The following CAMTA1 variants were observed in gnomAD, a reference collection of about 807,000 sequenced individuals.
CAMTA1 encodes calmodulin binding transcription activator 1, also known as calmodulin-binding transcription activator 1.
CAMTA1 carries 27 observed loss-of-function variants against 170.9 expected under a neutral mutation model. The ratio of observed to expected loss-of-function variants is 0.16; its 90% CI spans 0.12 to 0.22. The LOEUF (loss-of-function observed/expected upper bound fraction) is 0.22, where lower values mean the gene tolerates loss of function less well. Among genes scored for constraint, CAMTA1 ranks in the 10% least tolerant of loss-of-function variants. The pLI is 1.00. For synonymous variants in CAMTA1, 833 were observed against 891.5 expected (o/e 0.93, Z 1.17); for missense variants, 1,619 against 2,217.2 (o/e 0.73, Z 5.42).
intron 5 of CAMTA1, among the ~76,000 whole-genome samples, chr1:7,356,719 A>G (rs1035606307): frequency 6.6e-6 from 1 of 152,176 alleles, no homozygotes; most frequent in Non-Finnish European, 1.5e-5. Context: ...TTTATAGGGA[A>G]ACAGTAGAAT....
intron 11 of CAMTA1, chr1:7,693,425 T>C (rs1248104644): frequency 6.6e-6 from 1 of 152,118 alleles, no homozygotes; most frequent in Non-Finnish European, 1.5e-5. Flanking sequence ...CAGCCAACCA[T>C]ATCAGTTAGC....
intron 4 of CAMTA1, among the ~76,000 whole-genome samples, chr1:7,112,292 CTT>C (rs914725105): frequency 3.3e-5 from 5 of 152,162 alleles, no homozygotes; most frequent in Admixed American, 3.3e-4. Flanking sequence ...CATGGATGGA[CTT>C]TTTTCTTTGT....
chr1:7,268,607 T>C (rs1326472708), intron 5 of CAMTA1, among the ~76,000 whole-genome samples: 1 of 151,870 alleles, frequency 6.6e-6, no homozygotes, highest in Non-Finnish European at 1.5e-5. Flanking sequence ...TGAAGACAAC[T>C]CCAGACCTAC....
At position 7,664,419 on chromosome 1, in the gene CAMTA1, C is replaced by T; in HGVS notation, c.1872C>T (p.Pro624=). The part of the protein sequence containing the change: ...PSFFLQDASK[P]LPVEQNTHSS... ...TCTTCCTGCAGGACGCCAGCAAACC[C>T]CTCCCCGTCGAGCAGAACACCCACA... The change falls in exon 9 of 23, where the codon CCC becomes CCT. Residue 624 remains proline (P), a synonymous_variant. Transcript: ENST00000303635. The T allele has an allele frequency of 6.2e-7, 1 of 1,613,508 alleles. No homozygotes were observed. The highest frequency in any genetic ancestry group is 8.5e-7 in the Non-Finnish European group (1 of 1,179,946).
intron 3 of CAMTA1, among the ~76,000 whole-genome samples, chr1:7,080,868 A>G (rs1572899092): frequency 6.6e-6 from 1 of 152,242 alleles, no homozygotes; most frequent in Non-Finnish European, 1.5e-5. Flanking sequence ...TTGATTACTA[A>G]TGGAGATAAA....
rs530301937 is a variant in CAMTA1, at chr1:7,257,100, A to G, written c.438+7474A>G. Among the ~76,000 whole-genome samples, 40 of 148,934 alleles carry G rather than the reference A, an allele frequency of 2.7e-4. 1 individual carries two copies. The highest frequency in any genetic ancestry group is 5.9e-5 in the Non-Finnish European group (4 of 67,302). ...GCGGGGGCGGGGGTTGGTTTTCATC[A>G]TATACATGTTGGGGGAACACAGATT... On this transcript the variant is annotated intron_variant, in intron 5 of 22. Transcript: ENST00000303635.
chr1:7,555,002 G>A (rs2094857278), intron 6 of CAMTA1, among the ~76,000 whole-genome samples: 1 of 151,962 alleles, frequency 6.6e-6, no homozygotes. Context: ...TCAACAGTGG[G>A]TAATGATGTG....
At chr1:7,214,014 G>T (rs1335861256) in intron 4 of CAMTA1, among the ~76,000 whole-genome samples, 1 of 152,136 alleles carries the variant, frequency 6.6e-6, no homozygotes. Flanking sequence ...ATCATTGTTG[G>T]ACATTTGGGT....
rs12092405 is a variant in CAMTA1 at position 7,435,313 on chromosome 1, A to G, written c.439-32517A>G. Among the ~76,000 whole-genome samples the G allele has an allele frequency of 0.035, 5,296 of 152,148 alleles. 312 individuals carry two copies. The highest frequency in any genetic ancestry group is 0.12 in the African/African-American group (4,995 of 41,474). ...CAGGCCCCAGGCTGCCTTTATTCTC[A>G]CTGTCTCAGGCATGAACTCAGGCCA... is the stretch of plus-strand genomic sequence containing the variant. On this transcript the variant is annotated intron_variant, in intron 5 of 22. Coordinates refer to ENST00000303635, the MANE Select transcript of CAMTA1 (RefSeq NM_015215.4). This position sits in a 1 kb window ranked among gnomAD's most constrained non-coding sequence, Gnocchi z 4.4.
chr1:7,314,226 C>T (rs555488142), intron 5 of CAMTA1, among the ~76,000 whole-genome samples: 14 of 152,188 alleles, frequency 9.2e-5, no homozygotes, highest in Non-Finnish European at 2.1e-4. Context: ...ATAGGGCAAC[C>T]GTTTGAGTAC....
At chr1:6,889,855 A>T (rs2149127923) in intron 3 of CAMTA1, among the ~76,000 whole-genome samples, 1 of 152,280 alleles carries the variant, frequency 6.6e-6, no homozygotes, top group East Asian at 1.9e-4. Context: ...TGAAGGTTTG[A>T]TCAGCTTACT....
At chr1:7,713,928 C>G (rs1433060372) in intron 11 of CAMTA1, among the ~76,000 whole-genome samples, 1 of 152,082 alleles carries the variant, frequency 6.6e-6, no homozygotes, top group African/African-American at 2.4e-5. Context: ...GGATATTGCC[C>G]GGTGAGCACC....
chr1:7,149,363 C>T (rs1168702327), intron 4 of CAMTA1, among the ~76,000 whole-genome samples: 2 of 152,174 alleles, frequency 1.3e-5, no homozygotes, highest in African/African-American at 2.4e-5. Flanking sequence ...TGGGCTTCGG[C>T]GAGACTCTCA....
intron 5 of CAMTA1, among the ~76,000 whole-genome samples, chr1:7,351,082 C>A (rs955093777): frequency 4.6e-5 from 7 of 152,218 alleles, no homozygotes; most frequent in Admixed American, 1.3e-4. Context: ...TGGTGGCAGA[C>A]CTCAGCGTCG....
At chr1:7,337,144 C>T (rs964389645) in intron 5 of CAMTA1, among the ~76,000 whole-genome samples, 8 of 152,162 alleles carry the variant, frequency 5.3e-5, no homozygotes, top group Non-Finnish European at 8.8e-5. Flanking sequence ...TTGGTGAGTC[C>T]GTAGTGGCCT....
chr1:6,937,845 A>G (rs1200728385), intron 3 of CAMTA1, among the ~76,000 whole-genome samples: 1 of 151,894 alleles, frequency 6.6e-6, no homozygotes, highest in East Asian at 1.9e-4. Context: ...TGTCATCACC[A>G]TAATCATCAC....
At chr1:6,933,994 G>A (rs1161965122) in intron 3 of CAMTA1, among the ~76,000 whole-genome samples, 1 of 152,184 alleles carries the variant, frequency 6.6e-6, no homozygotes, top group Non-Finnish European at 1.5e-5. Flanking sequence ...AGAATTGGCT[G>A]TCAGTTTCCA....
At chr1:7,510,881 G>A (rs1161843306) in intron 6 of CAMTA1, among the ~76,000 whole-genome samples, 3 of 144,216 alleles carry the variant, frequency 2.1e-5, no homozygotes, top group African/African-American at 7.4e-5. Flanking sequence ...CCGGTGGTTT[G>A]GGAGTCACTG....
In CAMTA1 at chr1:7,109,231, G is replaced by C. The variant is rs565885195; in HGVS notation, c.302+17860G>C. Among the ~76,000 whole-genome samples, 44 of 152,354 alleles carry C rather than the reference G, an allele frequency of 2.9e-4. 1 individual carries two copies. In the South Asian group the frequency reaches 8.9e-3, roughly 31 times the overall value. On this transcript the variant is annotated intron_variant, in intron 4 of 22. Coordinates refer to ENST00000303635, the MANE Select transcript of CAMTA1 (RefSeq NM_015215.4). The stretch of plus-strand genomic sequence containing the variant: ...ACATTAAGTCCAGCTCCTGTCAAGG[G>C]GAGCTGACCCAAAAGGGTGTGGCTT...
Sources: gnomAD v4.1 joint callset for allele counts (sites outside exome capture counted in the v4.1 genomes callset) on GRCh38, gnomAD v4.1.1 for gene constraint, Gnocchi (gnomAD v3.1) non-coding constraint, MANE v1.5 for transcripts, NCBI Gene and HGNC (gene_info 2026-07-23, HGNC 2026-07-21) for gene names.